Variants in DCUN1D5 observed in about 807,000 individuals in gnomAD.
DCUN1D5 encodes DCN1-like protein 5.
DCUN1D5 carries 10 observed loss-of-function variants against 38.3 expected under a neutral mutation model. The observed-to-expected ratio is 0.26, with a 90% CI of 0.16 to 0.44. DCUN1D5 has a LOEUF of 0.44. Among genes scored for constraint, DCUN1D5 ranks in the 20% least tolerant of loss-of-function variants. DCUN1D5 has a pLI of 1.00. For missense variants in DCUN1D5, 148 were observed against 275.3 expected, an observed-to-expected ratio of 0.54 and a Z score of 3.27; for synonymous variants, 93 against 90.9, an observed-to-expected ratio of 1.02 and a Z score of -0.13.
rs1319594822 is a variant in DCUN1D5 at position 103,071,680 on chromosome 11, G to T, written c.342-5113C>A. 6.6e-6 allele frequency among the ~76,000 whole-genome samples: 1 copy of T among 150,790 alleles called. No homozygotes were observed. Among genetic ancestry groups the T allele is most frequent in the African/African-American group, 2.4e-5 (1 of 41,236 alleles). On this transcript the variant is annotated intron_variant, in intron 4 of 7. Transcript: ENST00000260247. The surrounding 1 kb of genome is among the most constrained non-coding windows in gnomAD (Gnocchi z 4.1). ...TTCTACATCAAAACTTGGATGAAAT[G>T]GACCAATAAGTTCCTTGAAAAACAC...
Position 103,077,976 on chromosome 11 carries a change from T to C in DCUN1D5, c.341+4772A>G, listed in dbSNP as rs779728000. Among the ~76,000 whole-genome samples, 3 of 152,096 alleles carry C rather than the reference T, an allele frequency of 2.0e-5. No homozygotes were observed. The highest frequency in any genetic ancestry group is 6.5e-5 in the Admixed American group (1 of 15,276). On this transcript the variant is annotated intron_variant, in intron 4 of 7. Coordinates refer to ENST00000260247, the MANE Select transcript of DCUN1D5 (RefSeq NM_032299.4). The surrounding 1 kb of genome is among the most constrained non-coding windows in gnomAD (Gnocchi z 4.3). ...TGAATGACAGTCACATCACACACGA[T>C]GGCATTTCATTTACTCTCCTCTTCC... is the stretch of plus-strand genomic sequence containing the variant.
chr11:103,069,810 T>C (rs1337824832), intron 4 of DCUN1D5, among the ~76,000 whole-genome samples: 1 of 152,176 alleles, frequency 6.6e-6, no homozygotes, highest in African/African-American at 2.4e-5. Context: ...AGTAATAAGG[T>C]GGCAGCCCTG....
chr11:103,054,846 G>A lies in DCUN1D5; in HGVS notation c.*7513C>T, dbSNP rs2134587743. 6.6e-6 allele frequency: 1 copy of A among 152,006 alleles called. No homozygotes were observed. The highest frequency in any genetic ancestry group is 2.1e-4 in the South Asian group (1 of 4,824). 9.4% of individuals were successfully genotyped at this position (152,006 alleles called of 1,614,324 possible). A position where few individuals can be genotyped will look rare whatever the true frequency, so the allele number is the denominator to read the frequency against. On this transcript the variant is annotated 3_prime_UTR_variant, in exon 8 of 8. Coordinates refer to ENST00000260247, the MANE Select transcript of DCUN1D5 (RefSeq NM_032299.4). ...GTCCTAGATGTACTAAAATCAATTA[G>A]CCTTATTTTATGCTTTCCTAGCACT...
At chr11:103,088,542 A>G (rs1239194100) in intron 2 of DCUN1D5, among the ~76,000 whole-genome samples, 1 of 152,178 alleles carries the variant, frequency 6.6e-6, no homozygotes, top group Non-Finnish European at 1.5e-5. Context: ...TTCATCCACC[A>G]GTTACAAGAT....
chr11:103,055,144 A>G lies in DCUN1D5; in HGVS notation c.*7215T>C, dbSNP rs1310704419. On this transcript the variant is annotated 3_prime_UTR_variant, in exon 8 of 8. Coordinates refer to ENST00000260247, the MANE Select transcript of DCUN1D5 (RefSeq NM_032299.4). Reference sequence around the variant, plus strand: ...CTAATTTTATTTTTCTCTTGGGAACAGAGTAAACTGTTGTACACCTGCATT... The same window carrying G: ...CTAATTTTATTTTTCTCTTGGGAACGGAGTAAACTGTTGTACACCTGCATT... The G allele has an allele frequency of 2.0e-5, 3 of 152,184 alleles. No homozygotes were observed. The highest frequency in any genetic ancestry group is 7.2e-5 in the African/African-American group (3 of 41,440). The allele number at this position is 152,184 out of a possible 1,614,324, so 9.4% of individuals were successfully genotyped here. A position where few individuals can be genotyped will look rare whatever the true frequency, so the allele number is the denominator to read the frequency against.
chr11:103,060,001 A>T lies in DCUN1D5; in HGVS notation c.*2358T>A, dbSNP rs1282955454. Among the ~76,000 whole-genome samples the T allele has an allele frequency of 2.6e-5, 4 of 152,178 alleles. No individual in the cohort carries two copies. Among genetic ancestry groups the T allele is most frequent in the Non-Finnish European group, 5.9e-5 (4 of 68,022 alleles). ...ACTTTTTTATACTGCAGGGTCCTTA[A>T]TATTGTATTGTTTATATCACTTAAC... On this transcript the variant is annotated 3_prime_UTR_variant, in exon 8 of 8. Transcript: ENST00000260247.
At position 103,056,793 on chromosome 11, in the gene DCUN1D5, C is replaced by A. The variant is rs1376883612; in HGVS notation, c.*5566G>T. On this transcript the variant is annotated 3_prime_UTR_variant, in exon 8 of 8. Transcript: ENST00000260247. This position sits in a 1 kb window ranked among gnomAD's most constrained non-coding sequence, Gnocchi z 4.9. ...ATAACACAGGAAATCCTAGCTATTTCTTTTTATAAAAGACAGTAAATTTGT... is the reference window on the plus strand; with the variant it reads ...ATAACACAGGAAATCCTAGCTATTTATTTTTATAAAAGACAGTAAATTTGT... 6.6e-6 allele frequency among the ~76,000 whole-genome samples: 1 copy of A among 152,044 alleles called. No homozygotes were observed. The highest frequency in any genetic ancestry group is 1.5e-5 in the Non-Finnish European group (1 of 67,980).
chr11:103,081,326 C>T (rs182207145), intron 4 of DCUN1D5, among the ~76,000 whole-genome samples: 18 of 152,228 alleles, frequency 1.2e-4, no homozygotes, highest in Admixed American at 5.2e-4. Flanking sequence ...TAGTAAAACA[C>T]ACTGAGTTGT....
In DCUN1D5 at chr11:103,092,052, C is replaced by T. The variant is rs888586006; in HGVS notation, c.-180G>A. ...GCCCGCTCCCAGGTATCCTCGTCGTCTTTCTCTGACCGGGACAGGGCTGGC... is the reference window on the plus strand; with the variant it reads ...GCCCGCTCCCAGGTATCCTCGTCGTTTTTCTCTGACCGGGACAGGGCTGGC... On this transcript the variant is annotated 5_prime_UTR_variant, in exon 1 of 8. Transcript: ENST00000260247. The T allele has an allele frequency of 3.3e-6, 2 of 603,182 alleles. No homozygotes were observed. Among genetic ancestry groups the T allele is most frequent in the Non-Finnish European group, 5.8e-6 (2 of 342,696 alleles). The allele number at this position is 603,182 out of a possible 1,614,324, so 37.4% of individuals were successfully genotyped here.
intron 4 of DCUN1D5, among the ~76,000 whole-genome samples, chr11:103,067,890 A>G (rs1862172373): frequency 6.6e-6 from 1 of 152,096 alleles, no homozygotes; most frequent in African/African-American, 2.4e-5. Flanking sequence ...TCAGAAAATG[A>G]AAAGAGAATT....
Position 103,091,726 on chromosome 11 carries a change from T to G in DCUN1D5, c.86+61A>C. 2.5e-6 allele frequency: 4 copies of G among 1,612,430 alleles called. No individual in the cohort carries two copies. The highest frequency in any genetic ancestry group is 3.4e-6 in the Non-Finnish European group (4 of 1,179,124). On this transcript the variant is annotated intron_variant, in intron 1 of 7. Coordinates refer to ENST00000260247, the MANE Select transcript of DCUN1D5 (RefSeq NM_032299.4). The surrounding 1 kb of genome is among the most constrained non-coding windows in gnomAD (Gnocchi z 4.3). ...CCGGCAGGCCGGGCCCGACTCCTTT[T>G]CCTCCAGTTGTCCAGCAAAGGAGGG... is the stretch of plus-strand genomic sequence containing the variant.
chr11:103,091,467 G>C lies in DCUN1D5; in HGVS notation c.86+320C>G. On this transcript the variant is annotated intron_variant, in intron 1 of 7. Transcript: ENST00000260247. The surrounding 1 kb of genome is among the most constrained non-coding windows in gnomAD (Gnocchi z 4.3). ...AGGAGCGATACGGGAGTAGGGGATCGAGGGTCGGTTGTGGGGTGGGGGTGG... is the reference window on the plus strand; with the variant it reads ...AGGAGCGATACGGGAGTAGGGGATCCAGGGTCGGTTGTGGGGTGGGGGTGG... The C allele has an allele frequency of 3.0e-6, 1 of 330,790 alleles. No individual in the cohort carries two copies. Among genetic ancestry groups the C allele is most frequent in the Non-Finnish European group, 5.8e-6 (1 of 173,500 alleles). The allele number at this position is 330,790 out of a possible 1,614,324, so 20.5% of individuals were successfully genotyped here. A position where few individuals can be genotyped will look rare whatever the true frequency, so the allele number is the denominator to read the frequency against.
At chr11:103,088,341 G>A (rs1465859601) in intron 2 of DCUN1D5, among the ~76,000 whole-genome samples, 1 of 151,494 alleles carries the variant, frequency 6.6e-6, no homozygotes, top group Admixed American at 6.6e-5. Flanking sequence ...AAAAGGAAAA[G>A]GAAAAGAAAA....
intron 4 of DCUN1D5, among the ~76,000 whole-genome samples, chr11:103,075,122 C>T (rs1354485170): frequency 2.0e-5 from 3 of 152,090 alleles, no homozygotes; most frequent in African/African-American, 7.2e-5. Context: ...AAAACCAGGC[C>T]CAGGTTATCA....
At chr11:103,090,009 C>G (rs947798390) in intron 1 of DCUN1D5, among the ~76,000 whole-genome samples, 5 of 151,960 alleles carry the variant, frequency 3.3e-5, no homozygotes, top group Non-Finnish European at 7.4e-5. Context: ...AAAATGGCCT[C>G]TAGAATTTAA....
At chr11:103,072,692 T>C (rs562045523) in intron 4 of DCUN1D5, among the ~76,000 whole-genome samples, 2 of 136,162 alleles carry the variant, frequency 1.5e-5, no homozygotes, top group Admixed American at 8.7e-5. Flanking sequence ...TTCTCACTCA[T>C]AGGTGGGAAC....
chr11:103,086,827 AAAT>A lies in DCUN1D5; in HGVS notation c.178+2397_178+2399del, dbSNP rs1193729707. On this transcript the variant is annotated intron_variant, in intron 2 of 7. Transcript: ENST00000260247. The surrounding 1 kb of genome is among the most constrained non-coding windows in gnomAD (Gnocchi z 4.1). ...AAAAGTGAAAATTAGCTTAAATAAA[AAAT>A]AAACATAAAATAATATCTATTATAA... Among the ~76,000 whole-genome samples the A allele has an allele frequency of 6.6e-6, 1 of 151,998 alleles. No individual in the cohort carries two copies. Among genetic ancestry groups the A allele is most frequent in the African/African-American group, 2.4e-5 (1 of 41,418 alleles).
rs1273597784 is a variant in DCUN1D5 at position 103,091,308 on chromosome 11, A to G, written c.86+479T>C. ...AATATGGAGGCCAATTATAGCATACAAGTTTTCCTTTCTACCATTCCCAAG... is the reference window on the plus strand; with the variant it reads ...AATATGGAGGCCAATTATAGCATACGAGTTTTCCTTTCTACCATTCCCAAG... On this transcript the variant is annotated intron_variant, in intron 1 of 7. Transcript: ENST00000260247. This position sits in a 1 kb window ranked among gnomAD's most constrained non-coding sequence, Gnocchi z 4.3. Among the ~76,000 whole-genome samples, 1 of 152,054 alleles carries G rather than the reference A, an allele frequency of 6.6e-6. No individual in the cohort carries two copies. Among genetic ancestry groups the G allele is most frequent in the Non-Finnish European group, 1.5e-5 (1 of 68,018 alleles).
Position 103,077,426 on chromosome 11 carries a change from G to A in DCUN1D5, c.341+5322C>T, listed in dbSNP as rs143342216. On this transcript the variant is annotated intron_variant, in intron 4 of 7. Transcript: ENST00000260247. The surrounding 1 kb of genome is among the most constrained non-coding windows in gnomAD (Gnocchi z 4.3). ...AAAAAGAAATGCATACTTAACTAGC[G>A]TACTATGGAAAGCAAGAGATAGTTT... Among the ~76,000 whole-genome samples, 686 of 152,244 alleles carry A rather than the reference G, an allele frequency of 4.5e-3. 3 individuals are homozygous for A. Among genetic ancestry groups the A allele is most frequent in the Non-Finnish European group, 7.9e-3 (539 of 68,026 alleles).
Sources: allele counts gnomAD v4.1 joint callset (sites outside exome capture counted in the v4.1 genomes callset), GRCh38; gene constraint gnomAD v4.1.1; non-coding constraint Gnocchi (gnomAD v3.1); transcripts MANE v1.5; gene names NCBI Gene and HGNC (gene_info 2026-07-23, HGNC 2026-07-21).